KCNG3: variants seen among roughly 807,000 people sequenced by gnomAD.
KCNG3 encodes the protein voltage-gated potassium channel regulatory subunit KCNG3.
In KCNG3, 15 loss-of-function variants were observed where a neutral mutation model predicts 29.0. The observed-to-expected ratio is 0.52, with a 90% CI of 0.35 to 0.80. KCNG3 has a LOEUF of 0.80. Ranked by LOEUF, KCNG3 falls within the 30% of genes least tolerant of loss-of-function variation. The pLI, the probability that KCNG3 is intolerant of heterozygous loss-of-function variation, is 0.01. For synonymous variants in KCNG3, 322 were observed against 248.9 expected (o/e 1.29, Z -2.76); for missense variants, 512 against 605.7 (o/e 0.85, Z 1.62).
chr2:42,403,185 G>C, the KCNG3 span, among the ~76,000 whole-genome samples: 1 of 152,152 alleles, frequency 6.6e-6, no homozygotes, highest in African/African-American at 2.4e-5. Flanking sequence ...CTGCCACCTA[G>C]GCTGGAGTGC....
intron 1 of KCNG3, among the ~76,000 whole-genome samples, chr2:42,460,161 T>A (rs1672981409): frequency 6.6e-6 from 1 of 151,776 alleles, no homozygotes. Flanking sequence ...GCCAGGAGTA[T>A]GAGACCAGCA....
At chr2:42,450,775 AAAGGTTAAGCACTTTTCC>A (rs1383782523) in intron 1 of KCNG3, among the ~76,000 whole-genome samples, 1 of 152,224 alleles carries the variant, frequency 6.6e-6, no homozygotes, top group Non-Finnish European at 1.5e-5. Context: ...ATTGAGGCTG[AAAGGTTAAGCACTTTTCC>A]AAGGTCACAC....
downstream of KCNG3, among the ~76,000 whole-genome samples, chr2:42,439,295 T>C: frequency 6.6e-6 from 1 of 151,910 alleles, no homozygotes; most frequent in African/African-American, 2.4e-5. Context: ...AGAGTTTCCC[T>C]CTGTCACCCA....
In KCNG3 at chr2:42,443,985, C is replaced by T. The variant is rs754970614; in HGVS notation, c.1260G>A (p.Lys420=). ...HSFVQCYHEL[K]FRSARYSRSL... is the part of the protein sequence containing the mutation. Reference sequence around the variant, plus strand: ...TCCTACTATACCTAGCAGATCTAAACTTGAGCTCATGATAACACTGCACAA... The same window carrying T: ...TCCTACTATACCTAGCAGATCTAAATTTGAGCTCATGATAACACTGCACAA... The change falls in exon 2 of 2, where the codon AAG becomes AAA. Residue 420 remains lysine, a synonymous_variant. Coordinates refer to ENST00000306078, the MANE Select transcript of KCNG3 (RefSeq NM_133329.6). The T allele has an allele frequency of 4.3e-5, 70 of 1,614,024 alleles. No individual in the cohort carries two copies. Among genetic ancestry groups the T allele is most frequent in the Non-Finnish European group, 5.2e-5 (61 of 1,180,022 alleles).
In KCNG3 at chr2:42,444,435, C is replaced by G. The variant is rs1309868695; in HGVS notation, c.810G>C (p.Leu270Phe). Residue 270 changes from leucine to phenylalanine, a missense_variant, in exon 2 of 2, where the codon TTG becomes TTC. Physicochemically the swap from Leu to Phe is conservative, Grantham distance 22. Coordinates refer to ENST00000306078, the MANE Select transcript of KCNG3 (RefSeq NM_133329.6). The surrounding 1 kb of genome is among the most constrained non-coding windows in gnomAD (Gnocchi z 5.8). ...AGTTCTCGCCTGTAAACACTGTCAT[C>G]AACACAGAGATGTAATACGGCGTGA... is the stretch of plus-strand genomic sequence containing the variant. ...LAITPYYISV[L>F]MTVFTGENSQ... The G allele has an allele frequency of 3.1e-6, 5 of 1,614,100 alleles. No individual in the cohort carries two copies. Among genetic ancestry groups the G allele is most frequent in the Admixed American group, 1.7e-5 (1 of 60,014 alleles).
intron 1 of KCNG3, among the ~76,000 whole-genome samples, chr2:42,465,049 T>C (rs919400584): frequency 6.6e-6 from 1 of 152,186 alleles, no homozygotes; most frequent in African/African-American, 2.4e-5. Flanking sequence ...ATGGAATATT[T>C]AGGACAAAAT....
At chr2:42,396,236 A>G in the KCNG3 span, among the ~76,000 whole-genome samples, 4 of 152,220 alleles carry the variant, frequency 2.6e-5, no homozygotes, top group Non-Finnish European at 5.9e-5. Flanking sequence ...ATTAAGTTGA[A>G]CCATATAAGC....
chr2:42,416,809 C>T, the KCNG3 span, among the ~76,000 whole-genome samples: 1 of 149,776 alleles, frequency 6.7e-6, no homozygotes. Flanking sequence ...CAGAGTGAGT[C>T]CCCTGTCTCA....
chr2:42,390,994 A>G, the KCNG3 span, among the ~76,000 whole-genome samples: 1 of 152,122 alleles, frequency 6.6e-6, no homozygotes, highest in Admixed American at 6.5e-5. Flanking sequence ...ATTCCGGAGG[A>G]AAGTGCTGTA....
chr2:42,463,949 C>T, intron 1 of KCNG3: 1 of 332,386 alleles, frequency 3.0e-6, no homozygotes, highest in Admixed American at 3.4e-5. Context: ...TTGGTGAACA[C>T]ATCCCTGGCA....
chr2:42,428,541 G>A, the KCNG3 span, among the ~76,000 whole-genome samples: 3 of 149,664 alleles, frequency 2.0e-5, no homozygotes. Flanking sequence ...GTGACATTAA[G>A]AGAAAAAAAC....
At position 42,493,090 on chromosome 2, in the gene KCNG3, C is replaced by G; in HGVS notation, c.412G>C (p.Asp138His). ...TCGGCCCCGCCGGGGCGCGCCTCGT[C>G]GCGGCCCAGCACGCCCGGCTCGTCG... Reference protein sequence around the residue: ...SADEPGVLGRDEARPGGAEAA... With the variant: ...SADEPGVLGRHEARPGGAEAA... The change falls in exon 1 of 2, where the codon GAC (aspartate) becomes CAC (histidine). Residue 138 changes from aspartate to histidine, a missense_variant. Asp to His is a moderately conservative substitution (Grantham distance 81). Coordinates refer to ENST00000306078, the MANE Select transcript of KCNG3 (RefSeq NM_133329.6). 6 of 1,571,636 alleles carry G rather than the reference C, an allele frequency of 3.8e-6. No homozygotes were observed. The highest frequency in any genetic ancestry group is 5.2e-6 in the Non-Finnish European group (6 of 1,163,456).
In KCNG3 at chr2:42,443,775, C is replaced by G. The variant is rs974797874; in HGVS notation, c.*159G>C. 4 of 646,140 alleles carry G rather than the reference C, an allele frequency of 6.2e-6. No individual in the cohort carries two copies. The African/African-American group carries it at 7.3e-5, about 12-fold the overall frequency. The allele number at this position is 646,140 out of a possible 1,614,324, so 40.0% of individuals were successfully genotyped here. ...AGTCTCAATTCTATTTACTCCATAA[C>G]AAGTAAACTGTTTTATCCCTTCGGC... On this transcript the variant is annotated 3_prime_UTR_variant, in exon 2 of 2. Coordinates refer to ENST00000306078, the MANE Select transcript of KCNG3 (RefSeq NM_133329.6).
the KCNG3 span, among the ~76,000 whole-genome samples, chr2:42,405,573 A>C: frequency 1.3e-3 from 192 of 150,330 alleles, 2 homozygotes; most frequent in African/African-American, 4.5e-3. Context: ...TGAATAGCTA[A>C]GATTACAGGC....
the KCNG3 span, among the ~76,000 whole-genome samples, chr2:42,395,366 G>C: frequency 2.3e-4 from 35 of 152,306 alleles, no homozygotes; most frequent in African/African-American, 7.7e-4. Flanking sequence ...GTAGCAGTGA[G>C]TGGGGAGCCA....
chr2:42,439,963 A>T (rs936912554), downstream of KCNG3, among the ~76,000 whole-genome samples: 2 of 152,140 alleles, frequency 1.3e-5, no homozygotes, highest in Non-Finnish European at 2.9e-5. Flanking sequence ...TTTTAAAAGA[A>T]ATCCTTCATG....
the KCNG3 span, among the ~76,000 whole-genome samples, chr2:42,436,706 T>A: frequency 6.6e-6 from 1 of 152,210 alleles, no homozygotes; most frequent in Non-Finnish European, 1.5e-5. Flanking sequence ...AAAGAAGGTA[T>A]CCATCTATCA....
chr2:42,396,295 CT>C, the KCNG3 span, among the ~76,000 whole-genome samples: 11 of 152,300 alleles, frequency 7.2e-5, no homozygotes, highest in African/African-American at 2.4e-4. Context: ...CCATAAATTT[CT>C]TTAAAATTTT....
chr2:42,414,933 T>C, the KCNG3 span, among the ~76,000 whole-genome samples: 1 of 152,248 alleles, frequency 6.6e-6, no homozygotes, highest in South Asian at 2.1e-4. Context: ...TCATCTGTTA[T>C]ATCTTTAAGC....
Sources: allele counts gnomAD v4.1 joint callset (sites outside exome capture counted in the v4.1 genomes callset), GRCh38; gene constraint gnomAD v4.1.1; non-coding constraint Gnocchi (gnomAD v3.1); transcripts MANE v1.5; gene names NCBI Gene and HGNC (gene_info 2026-07-23, HGNC 2026-07-21).